DNER: variants seen among roughly 807,000 people sequenced by gnomAD.
DNER encodes delta/notch like EGF repeat containing.
Under a neutral mutation model 78.2 loss-of-function variants are expected in DNER, and 33 were observed. The ratio of observed to expected loss-of-function variants is 0.42; its 90% CI spans 0.32 to 0.56. The LOEUF (loss-of-function observed/expected upper bound fraction) is 0.56, where lower values mean the gene tolerates loss of function less well. DNER is among the 20% of genes least tolerant of loss of function. The probability of loss-of-function intolerance (pLI) is 0.11; values close to 1 mark genes in which losing one functional copy is unlikely to be tolerated. For synonymous variants in DNER, 417 were observed against 384.8 expected, an observed-to-expected ratio of 1.08 and a Z score of -0.98; for missense variants, 918 against 975.3, an observed-to-expected ratio of 0.94 and a Z score of 0.78.
intron 8 of DNER, among the ~76,000 whole-genome samples, chr2:229,445,610 G>A (rs748763838): frequency 6.6e-6 from 1 of 152,196 alleles, no homozygotes; most frequent in Non-Finnish European, 1.5e-5. Context: ...AACAGCTGAG[G>A]ACCTTAAGGA....
intron 6 of DNER, among the ~76,000 whole-genome samples, chr2:229,492,325 T>A (rs1695418414): frequency 6.6e-6 from 1 of 152,198 alleles, no homozygotes; most frequent in Non-Finnish European, 1.5e-5. Flanking sequence ...CATGTCTCAC[T>A]AGCTTTGTTT....
At chr2:229,391,627 C>T (rs111415651) in intron 10 of DNER, among the ~76,000 whole-genome samples, 4,470 of 152,164 alleles carry the variant, frequency 0.029, 93 homozygotes, top group African/African-American at 0.059. Context: ...CTGCAACCTC[C>T]GCCTCCCAGG....
intron 6 of DNER, among the ~76,000 whole-genome samples, chr2:229,492,156 A>G (rs1695414587): frequency 6.6e-6 from 1 of 152,224 alleles, no homozygotes; most frequent in Non-Finnish European, 1.5e-5. Flanking sequence ...TCCCTGGCAC[A>G]TAGTACACAT....
intron 6 of DNER, among the ~76,000 whole-genome samples, chr2:229,498,494 C>A (rs1695545844): frequency 1.3e-5 from 2 of 152,160 alleles, no homozygotes; most frequent in South Asian, 4.1e-4. Context: ...TTGCTGATGA[C>A]ATGACCTTAT....
chr2:229,363,871 A>C lies in DNER; in HGVS notation c.2102+3002T>G, dbSNP rs376217793. Among the ~76,000 whole-genome samples the C allele has an allele frequency of 4.1e-4, 62 of 152,198 alleles. 1 individual carries two copies. Among genetic ancestry groups the C allele is most frequent in the African/African-American group, 1.3e-3 (55 of 41,518 alleles). On this transcript the variant is annotated intron_variant, in intron 12 of 12. Transcript: ENST00000341772. ...GCAGAGGGAATCCTAATTGTCTCCC[A>C]ACACATGAGAATACAATGCCATGGA...
At chr2:229,555,434 T>C (rs1163192733) in intron 4 of DNER, among the ~76,000 whole-genome samples, 1 of 152,158 alleles carries the variant, frequency 6.6e-6, no homozygotes, top group African/African-American at 2.4e-5. Flanking sequence ...CTTCTTCCAG[T>C]CTTACAGCCA....
At chr2:229,550,722 C>A (rs1005926894) in intron 4 of DNER, among the ~76,000 whole-genome samples, 1 of 152,052 alleles carries the variant, frequency 6.6e-6, no homozygotes, top group Non-Finnish European at 1.5e-5. Flanking sequence ...TTGCAGTGAG[C>A]CGAGATTGCA....
At position 229,692,551 on chromosome 2, in the gene DNER, A is replaced by G. The variant is rs527754711; in HGVS notation, c.276+21597T>C. ...CATTTTATCTTTAGAGATTTTCTGT[A>G]AGTTAAACTATAAAACTGTACTTTT... On this transcript the variant is annotated intron_variant, in intron 1 of 12. Transcript: ENST00000341772. Among the ~76,000 whole-genome samples the G allele has an allele frequency of 1.0e-3, 159 of 152,336 alleles. 1 individual carries two copies. Among genetic ancestry groups the G allele is most frequent in the Non-Finnish European group, 1.9e-3 (127 of 68,028 alleles).
At chr2:229,631,469 G>C (rs6735187) in intron 1 of DNER, among the ~76,000 whole-genome samples, 35,143 of 152,160 alleles carry the variant, frequency 0.23, 4,349 homozygotes, top group South Asian at 0.29. Flanking sequence ...ATGTCTGGAG[G>C]AAGACACTTC....
At chr2:229,412,623 G>A (rs994100683) in intron 9 of DNER, among the ~76,000 whole-genome samples, 34 of 152,184 alleles carry the variant, frequency 2.2e-4, no homozygotes, top group African/African-American at 7.7e-4. Context: ...TCAGACAGTG[G>A]ATACAGCCAT....
chr2:229,408,394 G>A (rs1398395414), intron 9 of DNER, among the ~76,000 whole-genome samples: 2 of 151,688 alleles, frequency 1.3e-5, no homozygotes, highest in Non-Finnish European at 2.9e-5. Context: ...ATAGATTAGT[G>A]TCTCTCTCTC....
At chr2:229,410,112 T>C (rs1693477572) in intron 9 of DNER, among the ~76,000 whole-genome samples, 1 of 152,126 alleles carries the variant, frequency 6.6e-6, no homozygotes, top group African/African-American at 2.4e-5. Flanking sequence ...TTTCACACCC[T>C]TCCCCCAACC....
intron 1 of DNER, among the ~76,000 whole-genome samples, chr2:229,686,555 T>A (rs748484210): frequency 2.6e-5 from 4 of 151,970 alleles, no homozygotes; most frequent in African/African-American, 9.7e-5. Flanking sequence ...ACTCCAGCCC[T>A]CCCTCAGGGT....
At chr2:229,429,425 C>A (rs923747719) in intron 8 of DNER, among the ~76,000 whole-genome samples, 4 of 152,142 alleles carry the variant, frequency 2.6e-5, no homozygotes, top group Admixed American at 2.6e-4. Context: ...TTCTGCCTCT[C>A]CCTTAGGAGG....
At chr2:229,601,361 C>T (rs911900246) in intron 1 of DNER, among the ~76,000 whole-genome samples, 3 of 152,098 alleles carry the variant, frequency 2.0e-5, no homozygotes, top group African/African-American at 7.2e-5. Flanking sequence ...AGTGCTTATG[C>T]CAGTAGTAGA....
In DNER at chr2:229,408,626, C is replaced by CA. The variant is rs1345234255; in HGVS notation, c.1610-1282dup. ...TAGCTCATGTTGTGCAAGGGACTGC[C>CA]ACACCCAATGACTCATCCTTTAGGC... On this transcript the variant is annotated intron_variant, in intron 9 of 12. Coordinates refer to ENST00000341772, the MANE Select transcript of DNER (RefSeq NM_139072.4). Among the ~76,000 whole-genome samples the CA allele has an allele frequency of 2.0e-5, 3 of 152,178 alleles. No individual in the cohort carries two copies. The East Asian group carries it at 5.8e-4, about 29-fold the overall frequency.
In DNER at chr2:229,465,189, G is replaced by A. The variant is rs144314190; in HGVS notation, c.1261+11951C>T. Among the ~76,000 whole-genome samples the A allele has an allele frequency of 2.1e-3, 326 of 152,218 alleles. 1 individual carries two copies. Among genetic ancestry groups the A allele is most frequent in the African/African-American group, 6.7e-3 (277 of 41,534 alleles). ...AGACATGGAATCCACTCAAATGCCC[G>A]TCAATGATAGACTAGACAAAGAAAA... is the stretch of plus-strand genomic sequence containing the variant. On this transcript the variant is annotated intron_variant, in intron 7 of 12. Transcript: ENST00000341772.
chr2:229,548,088 C>G (rs1432485420), intron 4 of DNER, among the ~76,000 whole-genome samples: 2 of 152,222 alleles, frequency 1.3e-5, no homozygotes, highest in African/African-American at 4.8e-5. Flanking sequence ...CATTACAAAG[C>G]CACATTCATA....
chr2:229,530,579 G>A (rs770153859), intron 5 of DNER, among the ~76,000 whole-genome samples: 4 of 152,252 alleles, frequency 2.6e-5, no homozygotes, highest in Non-Finnish European at 5.9e-5. Context: ...GCAATGGCCC[G>A]AGAGGGCCTG....
Sources: gnomAD v4.1 joint callset for allele counts (sites outside exome capture counted in the v4.1 genomes callset) on GRCh38, gnomAD v4.1.1 for gene constraint, MANE v1.5 for transcripts, NCBI Gene and HGNC (gene_info 2026-07-23, HGNC 2026-07-21) for gene names.